HECW1: variants seen among roughly 807,000 people sequenced by gnomAD.
HECW1 encodes the protein E3 ubiquitin-protein ligase HECW1.
In HECW1, 61 loss-of-function variants were observed where a neutral mutation model predicts 182.3. The observed-to-expected ratio is 0.33, with a 90% CI of 0.27 to 0.41. HECW1 has a LOEUF of 0.41. HECW1 is among the 10% of genes least tolerant of loss of function. HECW1 has a pLI of 1.00. For synonymous variants in HECW1, 859 were observed against 832.6 expected, an observed-to-expected ratio of 1.03 and a Z score of -0.55; for missense variants, 1,739 against 2,108.9, an observed-to-expected ratio of 0.82 and a Z score of 3.44.
chr7:43,526,786 A>C (rs1366400205), intron 24 of HECW1, among the ~76,000 whole-genome samples: 1 of 152,226 alleles, frequency 6.6e-6, no homozygotes, highest in Non-Finnish European at 1.5e-5. Flanking sequence ...AGATTGCTTG[A>C]GTCCAGGAGT....
intron 2 of HECW1, among the ~76,000 whole-genome samples, chr7:43,152,245 TCAGAATA>T (rs1789414488): frequency 6.6e-6 from 1 of 152,160 alleles, no homozygotes; most frequent in African/African-American, 2.4e-5. Flanking sequence ...TTAAAACCCA[TCAGAATA>T]CAGAACAAAT....
chr7:43,479,571 C>CT, intron 16 of HECW1, 39 bp from the exon 17 acceptor site: 1 of 1,612,856 alleles, frequency 6.2e-7, no homozygotes, highest in Non-Finnish European at 8.5e-7. Context: ...GGCCTATTCT[C>CT]ACACCACACG....
intron 8 of HECW1, among the ~76,000 whole-genome samples, chr7:43,429,300 AT>A (rs1209649569): frequency 6.4e-5 from 1 of 15,720 alleles, no homozygotes; most frequent in African/African-American, 2.7e-4. Context: ...ATATATATAT[AT>A]ATATATATAT....
At chr7:43,546,273 T>G (rs1461442630) in intron 26 of HECW1, among the ~76,000 whole-genome samples, 1 of 148,434 alleles carries the variant, frequency 6.7e-6, no homozygotes, top group African/African-American at 2.5e-5. Flanking sequence ...CATGATTTCC[T>G]TGATTGGCTC....
intron 2 of HECW1, chr7:43,163,215 G>T (rs181315129): frequency 6.6e-6 from 1 of 152,206 alleles, no homozygotes; most frequent in Non-Finnish European, 1.5e-5. Context: ...ATTTCTCCCC[G>T]TTGCCAAGCT....
chr7:43,315,523 T>C (rs996031070), intron 4 of HECW1, among the ~76,000 whole-genome samples: 1 of 151,796 alleles, frequency 6.6e-6, no homozygotes, highest in African/African-American at 2.4e-5. Flanking sequence ...AGATGGAATC[T>C]CGCTCTGTTG....
chr7:43,479,486 G>GGA, intron 16 of HECW1, 124 bp from the exon 17 acceptor site: 1 of 1,140,282 alleles, frequency 8.8e-7, no homozygotes, highest in South Asian at 1.4e-5. Context: ...AGGAAGTAGG[G>GGA]GTAGGGGAGG....
At chr7:43,143,553 T>G (rs2152635557) in intron 2 of HECW1, among the ~76,000 whole-genome samples, 1 of 152,280 alleles carries the variant, frequency 6.6e-6, no homozygotes, top group Admixed American at 6.5e-5. Context: ...CCCAAAGTAT[T>G]GGGATTACAG....
chr7:43,445,603 G>A, intron 11 of HECW1, 33 bp downstream of exon 11: 1 of 1,501,078 alleles, frequency 6.7e-7, no homozygotes, highest in Non-Finnish European at 8.9e-7. Context: ...AGTGAGAATA[G>A]GACCATCAGG....
chr7:43,162,839 T>A (rs1790692680), intron 2 of HECW1: 1 of 152,222 alleles, frequency 6.6e-6, no homozygotes, highest in South Asian at 2.1e-4. Context: ...GTGGGAGGCA[T>A]TGTTCTAACT....
At chr7:43,341,313 TAAATAAATAAA>T (rs1052847789) in intron 5 of HECW1, among the ~76,000 whole-genome samples, 4 of 68,240 alleles carry the variant, frequency 5.9e-5, no homozygotes, top group Non-Finnish European at 9.8e-5. Flanking sequence ...GTATTATAAA[TAAATAAATAAA>T]TAAATAAATA....
chr7:43,115,524 G>C (rs1383162581), intron 2 of HECW1, among the ~76,000 whole-genome samples: 1 of 152,132 alleles, frequency 6.6e-6, no homozygotes, highest in African/African-American at 2.4e-5. Flanking sequence ...AATTGACAAT[G>C]GCATGAGACT....
intron 5 of HECW1, 76 bp downstream of exon 5, chr7:43,320,818 G>C: frequency 2.8e-6 from 3 of 1,071,348 alleles, no homozygotes; most frequent in East Asian, 4.8e-5. Flanking sequence ...ATTTGTTCCC[G>C]TTGCACTGCC....
intron 3 of HECW1, among the ~76,000 whole-genome samples, chr7:43,251,201 G>A (rs1190545215): frequency 6.6e-6 from 1 of 152,220 alleles, no homozygotes; most frequent in African/African-American, 2.4e-5. Flanking sequence ...AGTCACAGAA[G>A]CTGTCTGTCG....
At chr7:43,175,864 A>G (rs1203876017) in intron 2 of HECW1, among the ~76,000 whole-genome samples, 2 of 150,406 alleles carry the variant, frequency 1.3e-5, no homozygotes, top group East Asian at 1.9e-4. Context: ...TCATTTTAAC[A>G]CCCTCTCGGT....
At chr7:43,554,986 G>C (rs527390259) in intron 29 of HECW1, among the ~76,000 whole-genome samples, 196 bp downstream of exon 29, 1 of 152,282 alleles carries the variant, frequency 6.6e-6, no homozygotes, top group Admixed American at 6.5e-5. Context: ...TCTTAGGGAG[G>C]TTTTGATGAC....
At chr7:43,453,457 G>T (rs1276655426) in intron 12 of HECW1, among the ~76,000 whole-genome samples, 2 of 152,196 alleles carry the variant, frequency 1.3e-5, no homozygotes, top group Admixed American at 6.5e-5. Context: ...AGCAGGTTTT[G>T]ATGGGAAGGA....
chr7:43,168,026 T>C (rs1348974818), intron 2 of HECW1, among the ~76,000 whole-genome samples: 2 of 152,182 alleles, frequency 1.3e-5, no homozygotes, highest in African/African-American at 4.8e-5. Context: ...ATTCCTCCCA[T>C]CTCTAAATCC....
At chr7:43,260,628 A>C (rs1230222744) in intron 3 of HECW1, among the ~76,000 whole-genome samples, 1 of 152,244 alleles carries the variant, frequency 6.6e-6, no homozygotes. Context: ...GGAGTGGCTC[A>C]GGTGAGAAAT....
Sources: gnomAD v4.1 joint callset for allele counts (sites outside exome capture counted in the v4.1 genomes callset) on GRCh38, gnomAD v4.1.1 for gene constraint, MANE v1.5 for transcripts, NCBI Gene and HGNC (gene_info 2026-07-23, HGNC 2026-07-21) for gene names.